Variants in COMMD10 observed in about 807,000 individuals in gnomAD.
The protein encoded by COMMD10 is COMM domain containing 10.
In COMMD10, 33 loss-of-function variants were observed where a neutral mutation model predicts 28.9. That is an observed-to-expected ratio of 1.14 (90% CI 0.87 to 1.53). The LOEUF is 1.53. COMMD10 is among the 40% of genes most tolerant of loss of function. The pLI is 0.00. For synonymous variants in COMMD10, 110 were observed against 81.7 expected (o/e 1.35, Z -1.87); for missense variants, 310 against 233.4 (o/e 1.33, Z -2.14).
In COMMD10 at chr5:116,275,463, CTTTGCCTGTT is replaced by C. The variant is rs1369145843; in HGVS notation, c.511-16053_511-16044del. ...TAGTGTTTGTTCTCTGTGCCCTATACTTTGCCTGTTAGGGCAAAGTATGTCATTTTGTAAC... is the reference window on the plus strand; with the variant it reads ...TAGTGTTTGTTCTCTGTGCCCTATACAGGGCAAAGTATGTCATTTTGTAAC... On this transcript the variant is annotated intron_variant, in intron 5 of 6. Coordinates refer to ENST00000274458, the MANE Select transcript of COMMD10 (RefSeq NM_016144.4). 2.4e-4 allele frequency among the ~76,000 whole-genome samples: 37 copies of C among 151,900 alleles called. No individual in the cohort carries two copies. The East Asian group carries it at 6.6e-3, about 27-fold the overall frequency.
intron 5 of COMMD10, among the ~76,000 whole-genome samples, chr5:116,140,797 A>G (rs779482500): frequency 6.6e-6 from 1 of 151,610 alleles, no homozygotes; most frequent in Admixed American, 6.6e-5. Context: ...TTATTTTGCT[A>G]TTGAATTGTG....
intron 5 of COMMD10, among the ~76,000 whole-genome samples, chr5:116,245,242 C>T (rs958713860): frequency 4.6e-5 from 7 of 152,046 alleles, no homozygotes; most frequent in Non-Finnish European, 5.9e-5. Flanking sequence ...ACTAGAACAT[C>T]TAGAAGCAAT....
chr5:116,157,370 G>A (rs991192341), intron 5 of COMMD10, among the ~76,000 whole-genome samples: 2 of 152,168 alleles, frequency 1.3e-5, no homozygotes, highest in African/African-American at 4.8e-5. Context: ...CAAGGCAGTT[G>A]GCTGGCTGGG....
At chr5:116,244,948 C>A (rs1259078511) in intron 5 of COMMD10, among the ~76,000 whole-genome samples, 3 of 151,618 alleles carry the variant, frequency 2.0e-5, no homozygotes, top group African/African-American at 7.2e-5. Flanking sequence ...GCAAACAAAT[C>A]CCAAAGCTAG....
At chr5:116,109,419 C>T (rs1382948939) in intron 4 of COMMD10, among the ~76,000 whole-genome samples, 2 of 152,130 alleles carry the variant, frequency 1.3e-5, no homozygotes, top group African/African-American at 2.4e-5. Flanking sequence ...TATGGTGAAA[C>T]ACCATCTCTA....
chr5:116,134,276 C>T (rs905288222), intron 5 of COMMD10, 98 bp downstream of exon 5: 13 of 677,838 alleles, frequency 1.9e-5, no homozygotes, highest in Non-Finnish European at 3.1e-5. Context: ...AGAATTTAAA[C>T]ATAATTCAGT....
intron 4 of COMMD10, among the ~76,000 whole-genome samples, chr5:116,107,717 C>T (rs891649124): frequency 6.6e-6 from 1 of 151,790 alleles, no homozygotes; most frequent in Non-Finnish European, 1.5e-5. Flanking sequence ...CAGTTTTGTT[C>T]CCTTGCTGGC....
chr5:116,236,574 A>G (rs1339307554), intron 5 of COMMD10, among the ~76,000 whole-genome samples: 1 of 151,754 alleles, frequency 6.6e-6, no homozygotes, highest in East Asian at 1.9e-4. Context: ...TTAAATACAC[A>G]TTACTAACTC....
intron 5 of COMMD10, among the ~76,000 whole-genome samples, chr5:116,173,839 TTTTG>T (rs373915655): frequency 2.2e-5 from 2 of 90,092 alleles, no homozygotes; most frequent in South Asian, 2.6e-4. Context: ...TTTTGTTTTG[TTTTG>T]TTTTTGTTTT....
chr5:116,089,654 A>C (rs1750233150), intron 2 of COMMD10, among the ~76,000 whole-genome samples: 1 of 152,206 alleles, frequency 6.6e-6, no homozygotes, highest in African/African-American at 2.4e-5. Context: ...CATTCCATGG[A>C]GGAGCTTGAA....
Position 116,240,226 on chromosome 5 carries a change from C to T in COMMD10, c.511-51291C>T, listed in dbSNP as rs78836056. The stretch of plus-strand genomic sequence containing the variant: ...GATGAAAAATGGGAGAAATGGAAGA[C>T]GTAACAAAAAAGAAAAAAGATGAAG... On this transcript the variant is annotated intron_variant, in intron 5 of 6. Transcript: ENST00000274458. 1.8e-3 allele frequency among the ~76,000 whole-genome samples: 272 copies of T among 148,806 alleles called. 3 individuals are homozygous for T. Among genetic ancestry groups the T allele is most frequent in the African/African-American group, 6.1e-3 (247 of 40,324 alleles).
intron 5 of COMMD10, among the ~76,000 whole-genome samples, chr5:116,255,401 C>T (rs1000038822): frequency 4.0e-5 from 6 of 151,692 alleles, no homozygotes; most frequent in Middle Eastern, 3.4e-3. Flanking sequence ...TCTTGATGGT[C>T]GTTACATTTT....
intron 5 of COMMD10, among the ~76,000 whole-genome samples, chr5:116,259,017 C>G (rs1750366210): frequency 6.7e-6 from 1 of 148,664 alleles, no homozygotes; most frequent in African/African-American, 2.5e-5. Flanking sequence ...AATCTTTTGT[C>G]TTTGTCTTCT....
At chr5:116,276,183 A>C (rs980487516) in intron 5 of COMMD10, among the ~76,000 whole-genome samples, 13 of 151,638 alleles carry the variant, frequency 8.6e-5, no homozygotes, top group Non-Finnish European at 1.9e-4. Flanking sequence ...CATTGCCAGA[A>C]AGAAAAATAA....
intron 5 of COMMD10, among the ~76,000 whole-genome samples, chr5:116,196,475 G>C (rs1184198117): frequency 1.3e-5 from 2 of 150,560 alleles, no homozygotes; most frequent in African/African-American, 5.0e-5. Flanking sequence ...AATACCACCT[G>C]TACCCCAGTA....
Position 116,092,580 on chromosome 5 carries a change from G to A in COMMD10, c.279G>A (p.Gln93=). Residue 93 remains glutamine, a synonymous_variant, in exon 4 of 7, where the codon CAG becomes CAA. Transcript: ENST00000274458. Reference sequence around the variant, plus strand: ...ACAATGTGAAGCCAGCAGCTTTGCAGCAGCAATTAGAGAACATTCATCTTA... The same window carrying A: ...ACAATGTGAAGCCAGCAGCTTTGCAACAGCAATTAGAGAACATTCATCTTA... ...VYHNVKPAAL[Q]QQLENIHLRQ... 1 of 1,608,882 alleles carries A rather than the reference G, an allele frequency of 6.2e-7. No homozygotes were observed. Among genetic ancestry groups the A allele is most frequent in the Non-Finnish European group, 8.5e-7 (1 of 1,177,678 alleles).
chr5:116,098,083 C>T (rs1750524024), intron 4 of COMMD10, among the ~76,000 whole-genome samples: 3 of 152,118 alleles, frequency 2.0e-5, no homozygotes, highest in Non-Finnish European at 2.9e-5. Context: ...ATCATATTAT[C>T]CCAAGTGGTC....
At chr5:116,263,423 C>T (rs536830353) in intron 5 of COMMD10, among the ~76,000 whole-genome samples, 16 of 151,886 alleles carry the variant, frequency 1.1e-4, no homozygotes, top group African/African-American at 3.6e-4. Flanking sequence ...CCTTGCCATA[C>T]CTTGAAATTG....
Position 116,265,720 on chromosome 5 carries a change from CTGT to C in COMMD10, c.511-25792_511-25790del, listed in dbSNP as rs138833012. Among the ~76,000 whole-genome samples the C allele has an allele frequency of 8.6e-3, 1,303 of 151,844 alleles. 14 individuals carry two copies. The highest frequency in any genetic ancestry group is 8.4e-3 in the Non-Finnish European group (569 of 67,994). On this transcript the variant is annotated intron_variant, in intron 5 of 6. Coordinates refer to ENST00000274458, the MANE Select transcript of COMMD10 (RefSeq NM_016144.4). ...TCCTCATATTGCTGTCAAGTAGGTG[CTGT>C]TGTTATGCCATATTACAAATGAAGC...
Sources: allele counts gnomAD v4.1 joint callset (sites outside exome capture counted in the v4.1 genomes callset), GRCh38; gene constraint gnomAD v4.1.1; transcripts MANE v1.5; gene names NCBI Gene and HGNC (gene_info 2026-07-23, HGNC 2026-07-21).